MOB4: variants seen among roughly 807,000 people sequenced by gnomAD.
The protein encoded by MOB4 is MOB-like protein phocein.
MOB4 carries 4 observed loss-of-function variants against 32.2 expected under a neutral mutation model. The ratio of observed to expected loss-of-function variants is 0.12; its 90% CI spans 0.06 to 0.28. MOB4 has a LOEUF of 0.28. MOB4 is among the 10% of genes least tolerant of loss of function. The pLI, the probability that MOB4 is intolerant of heterozygous loss-of-function variation, is 1.00. For missense variants in MOB4, 158 were observed against 271.2 expected, an observed-to-expected ratio of 0.58 and a Z score of 2.93; for synonymous variants, 88 against 88.1, an observed-to-expected ratio of 1.00 and a Z score of 0.01.
intron 1 of MOB4, among the ~76,000 whole-genome samples, chr2:197,518,482 G>T (rs545043903): frequency 6.7e-6 from 1 of 149,898 alleles, no homozygotes; most frequent in Non-Finnish European, 1.5e-5. Flanking sequence ...GGCTGGTCTC[G>T]AACTCCTGAC....
At chr2:197,539,346 C>G (rs935561136) in intron 3 of MOB4, among the ~76,000 whole-genome samples, 1 of 125,660 alleles carries the variant, frequency 8.0e-6, no homozygotes, top group African/African-American at 3.1e-5. Flanking sequence ...TGAGATGGAG[C>G]CTTACTCTGT....
chr2:197,538,046 G>A (rs1227098529), intron 3 of MOB4, among the ~76,000 whole-genome samples: 1 of 152,086 alleles, frequency 6.6e-6, no homozygotes, highest in East Asian at 1.9e-4. Flanking sequence ...CCAAAGTGCT[G>A]GGATTACAGG....
intron 3 of MOB4, among the ~76,000 whole-genome samples, chr2:197,537,740 C>T (rs903071440): frequency 6.6e-6 from 1 of 152,164 alleles, no homozygotes; most frequent in Non-Finnish European, 1.5e-5. Flanking sequence ...ACATCCTTTG[C>T]TTTATTTTTA....
intron 2 of MOB4, chr2:197,534,029 A>G (rs2086754893): frequency 6.6e-6 from 3 of 454,784 alleles, no homozygotes; most frequent in Non-Finnish European, 8.5e-6. Flanking sequence ...TCATGTCACC[A>G]TATCAAGCTG....
intron 6 of MOB4, 53 bp from the exon 7 acceptor site, chr2:197,550,222 T>G: frequency 6.6e-7 from 1 of 1,521,988 alleles, no homozygotes; most frequent in Non-Finnish European, 8.9e-7. Flanking sequence ...GACTATATTG[T>G]TCCTAAGATT....
At chr2:197,519,489 A>G (rs1574622554) in intron 1 of MOB4, among the ~76,000 whole-genome samples, 1 of 152,212 alleles carries the variant, frequency 6.6e-6, no homozygotes, top group African/African-American at 2.4e-5. Context: ...TATAGTTTAA[A>G]TCAACTCTAG....
At chr2:197,548,210 A>C in intron 5 of MOB4, 126 bp from the exon 6 acceptor site, 1 of 591,028 alleles carries the variant, frequency 1.7e-6, no homozygotes, top group East Asian at 3.5e-5. Flanking sequence ...AGCATTCGGA[A>C]ATTGTAAGGA....
intron 6 of MOB4, 150 bp from the exon 7 acceptor site, chr2:197,550,125 G>T: frequency 1.7e-6 from 1 of 585,294 alleles, no homozygotes. Context: ...AGGAGCAGGG[G>T]CTCCAGGCAT....
intron 3 of MOB4, among the ~76,000 whole-genome samples, chr2:197,537,654 C>T (rs185358274): frequency 3.4e-4 from 52 of 152,286 alleles, no homozygotes; most frequent in African/African-American, 1.2e-3. Context: ...TATATGAATG[C>T]ACAATAATTC....
intron 5 of MOB4, among the ~76,000 whole-genome samples, chr2:197,541,588 G>T (rs1464610671): frequency 6.6e-6 from 1 of 152,220 alleles, no homozygotes; most frequent in East Asian, 1.9e-4. Context: ...CATTCAGGAT[G>T]TCACATTTTT....
At chr2:197,522,898 C>T (rs566318237) in intron 1 of MOB4, among the ~76,000 whole-genome samples, 105 of 151,808 alleles carry the variant, frequency 6.9e-4, no homozygotes, top group African/African-American at 2.3e-3. Flanking sequence ...GCCTGTAGTC[C>T]CAGCTACTCG....
chr2:197,542,079 G>A (rs1230732821), intron 5 of MOB4, among the ~76,000 whole-genome samples: 1 of 152,216 alleles, frequency 6.6e-6, no homozygotes, highest in Admixed American at 6.5e-5. Context: ...GCTGAATCAA[G>A]GCTAGTTTTG....
rs1335755167 is a variant in MOB4, at chr2:197,540,569, T to G, written c.354+132T>G. The stretch of plus-strand genomic sequence containing the variant: ...CTATTTCATTTTGAGTTGCTTGTTG[T>G]GAAGTTGTTACTGCAGTGCTATTTT... On this transcript the variant is annotated intron_variant, in intron 5 of 7. Transcript: ENST00000323303. The G allele has an allele frequency of 1.2e-5, 11 of 909,368 alleles. No individual in the cohort carries two copies. The East Asian group carries it at 3.4e-4, about 28-fold the overall frequency. The allele number at this position is 909,368 out of a possible 1,614,324, so 56.3% of individuals were successfully genotyped here.
At chr2:197,533,452 C>T (rs564377293) in intron 2 of MOB4, among the ~76,000 whole-genome samples, 22 of 151,942 alleles carry the variant, frequency 1.4e-4, no homozygotes, top group Admixed American at 5.9e-4. Context: ...AGGCTGGGTA[C>T]GGTGGCTCAT....
chr2:197,540,053 T>A (rs2086870593), intron 3 of MOB4, 58 bp from the exon 4 acceptor site: 1 of 1,535,508 alleles, frequency 6.5e-7, no homozygotes, highest in South Asian at 1.3e-5. Flanking sequence ...CAGCTAATAT[T>A]CTAAAAATTG....
chr2:197,530,566 C>T (rs1229050457), intron 2 of MOB4, among the ~76,000 whole-genome samples: 2 of 151,924 alleles, frequency 1.3e-5, no homozygotes, highest in East Asian at 3.9e-4. Context: ...ATTTTGCTTC[C>T]ATGGTTTCTG....
At chr2:197,539,797 G>A (rs1310546215) in intron 3 of MOB4, among the ~76,000 whole-genome samples, 1 of 152,226 alleles carries the variant, frequency 6.6e-6, no homozygotes, top group African/African-American at 2.4e-5. Context: ...TGACTTAGTC[G>A]AAAAGTATAC....
At chr2:197,524,347 A>G (rs911385843) in intron 2 of MOB4, among the ~76,000 whole-genome samples, 3 of 151,982 alleles carry the variant, frequency 2.0e-5, no homozygotes, top group Non-Finnish European at 2.9e-5. Flanking sequence ...CCTGGCCAAC[A>G]TGGTGAAACC....
chr2:197,541,637 C>T (rs892341378), intron 5 of MOB4, among the ~76,000 whole-genome samples: 14 of 152,146 alleles, frequency 9.2e-5, no homozygotes, highest in African/African-American at 1.7e-4. Context: ...TTGTATCTGT[C>T]GGCCGGGCGC....
Sources: allele counts gnomAD v4.1 joint callset (sites outside exome capture counted in the v4.1 genomes callset), GRCh38; gene constraint gnomAD v4.1.1; transcripts MANE v1.5; gene names NCBI Gene and HGNC (gene_info 2026-07-23, HGNC 2026-07-21).